INSL6: variants seen among roughly 807,000 people sequenced by gnomAD.
The protein encoded by INSL6 is insulin-like peptide INSL6.
INSL6 carries 16 observed loss-of-function variants against 9.4 expected under a neutral mutation model. The observed-to-expected ratio is 1.70, with a 90% confidence interval of 1.15 to 2.59. The LOEUF (loss-of-function observed/expected upper bound fraction) is 2.59. Among genes scored for constraint, INSL6 ranks in the 30% most tolerant of loss-of-function variants. INSL6 has a pLI of 0.00. For missense variants in INSL6, 391 were observed against 257.3 expected, an observed-to-expected ratio of 1.52 and a Z score of -3.56; for synonymous variants, 154 against 96.9, an observed-to-expected ratio of 1.59 and a Z score of -3.46.
At chr9:5,081,708 A>G in the INSL6 span, 2 of 1,558,336 alleles carry the variant, frequency 1.3e-6, no homozygotes, top group East Asian at 2.2e-5. Flanking sequence ...AGGTGATAAT[A>G]TTCTTTATTT....
At chr9:5,086,907 C>T in the INSL6 span, among the ~76,000 whole-genome samples, 1 of 152,160 alleles carries the variant, frequency 6.6e-6, no homozygotes, top group Admixed American at 6.5e-5. Context: ...ACTACTTTCG[C>T]TGGTATCCAC....
chr9:5,058,628 A>G, the INSL6 span, among the ~76,000 whole-genome samples: 4 of 152,310 alleles, frequency 2.6e-5, no homozygotes, highest in African/African-American at 7.2e-5. Context: ...GGGAGCCACC[A>G]TGCTGTTTTC....
chr9:5,085,855 CAG>C, the INSL6 span: 1 of 772,712 alleles, frequency 1.3e-6, no homozygotes, highest in Admixed American at 1.7e-5. Flanking sequence ...AAGTAGTACT[CAG>C]AGATTTCCTT....
chr9:5,043,559 CAA>C, the INSL6 span, among the ~76,000 whole-genome samples: 5 of 152,092 alleles, frequency 3.3e-5, no homozygotes, highest in Non-Finnish European at 7.4e-5. Context: ...AAAGGGTAAA[CAA>C]AGAGTTACCA....
chr9:5,178,731 T>G (rs1022062015), intron 1 of INSL6, among the ~76,000 whole-genome samples: 1 of 152,162 alleles, frequency 6.6e-6, no homozygotes, highest in Admixed American at 6.5e-5. Context: ...CATACGATCT[T>G]GGACAAACCT....
At chr9:5,087,397 C>A in the INSL6 span, among the ~76,000 whole-genome samples, 1 of 152,146 alleles carries the variant, frequency 6.6e-6, no homozygotes, top group Admixed American at 6.5e-5. Context: ...CCCACCAGGT[C>A]CTTCCAATGA....
the INSL6 span, chr9:5,054,466 A>G: frequency 2.0e-6 from 2 of 1,015,134 alleles, no homozygotes; most frequent in Admixed American, 2.4e-5. The surrounding 1 kb of genome is among the most constrained non-coding windows in gnomAD (Gnocchi z 4.9). Context: ...GGCCTACTTA[A>G]TCATGGAAAA....
At chr9:5,050,194 T>C in the INSL6 span, among the ~76,000 whole-genome samples, 1 of 152,254 alleles carries the variant, frequency 6.6e-6, no homozygotes, top group African/African-American at 2.4e-5. Context: ...TACTCTGTAA[T>C]TGGGAACCCA....
chr9:5,089,630 C>T, the INSL6 span: 4 of 972,594 alleles, frequency 4.1e-6, no homozygotes, highest in Non-Finnish European at 4.2e-6. Flanking sequence ...TGTAATTTGC[C>T]TTGAAAACTT....
At chr9:5,045,264 A>G in the INSL6 span, among the ~76,000 whole-genome samples, 1 of 152,154 alleles carries the variant, frequency 6.6e-6, no homozygotes, top group Non-Finnish European at 1.5e-5. Context: ...CAGATTTGCT[A>G]ATATTGTAGG....
At chr9:5,147,531 T>C (rs1450418631) in intron 2 of INSL6, among the ~76,000 whole-genome samples, 1 of 152,204 alleles carries the variant, frequency 6.6e-6, no homozygotes, top group Non-Finnish European at 1.5e-5. Flanking sequence ...CCTGGAAGAC[T>C]GCCTGGTAAG....
intron 2 of INSL6, among the ~76,000 whole-genome samples, chr9:5,139,685 G>A (rs1476962539): frequency 6.6e-6 from 1 of 152,174 alleles, no homozygotes; most frequent in Non-Finnish European, 1.5e-5. Flanking sequence ...ATCTGAAGAA[G>A]CTAAGTCCAA....
At chr9:5,150,844 G>A (rs1393660527) in intron 2 of INSL6, among the ~76,000 whole-genome samples, 1 of 119,886 alleles carries the variant, frequency 8.3e-6, no homozygotes, top group Admixed American at 8.2e-5. Context: ...CTGGATAAAG[G>A]AGACACACAC....
At chr9:5,152,241 C>T (rs1161005038) in intron 2 of INSL6, among the ~76,000 whole-genome samples, 3 of 152,156 alleles carry the variant, frequency 2.0e-5, no homozygotes, top group Non-Finnish European at 4.4e-5. Flanking sequence ...CTTTACCTAA[C>T]ATCTACAGAA....
the INSL6 span, among the ~76,000 whole-genome samples, chr9:5,052,918 C>T: frequency 2.0e-5 from 3 of 152,150 alleles, no homozygotes; most frequent in South Asian, 6.2e-4. Flanking sequence ...TGGGCTGCTT[C>T]CATGTTTTGG....
At chr9:5,062,501 A>T in the INSL6 span, among the ~76,000 whole-genome samples, 130 of 42,412 alleles carry the variant, frequency 3.1e-3, no homozygotes, top group Non-Finnish European at 6.3e-3. Flanking sequence ...TTCCATTTGT[A>T]AAAAAAAAAA....
intron 1 of INSL6, among the ~76,000 whole-genome samples, chr9:5,172,669 C>G (rs1825210423): frequency 6.6e-6 from 1 of 152,184 alleles, no homozygotes; most frequent in African/African-American, 2.4e-5. Context: ...TGGCTCACGC[C>G]TGTAATCCCA....
intron 1 of INSL6, among the ~76,000 whole-genome samples, chr9:5,169,485 G>C (rs1232329249): frequency 1.3e-5 from 2 of 152,090 alleles, no homozygotes; most frequent in African/African-American, 4.8e-5. Context: ...AAAATAACCA[G>C]CCAGCATCAT....
the INSL6 span, chr9:5,110,590 G>C: frequency 5.5e-6 from 1 of 180,530 alleles, no homozygotes; most frequent in African/African-American, 2.4e-5. Context: ...ATTATTGGTA[G>C]CCTTGCACTT....
Sources: gnomAD v4.1 joint callset for allele counts (sites outside exome capture counted in the v4.1 genomes callset) on GRCh38, gnomAD v4.1.1 for gene constraint, Gnocchi (gnomAD v3.1) non-coding constraint, MANE v1.5 for transcripts, NCBI Gene and HGNC (gene_info 2026-07-23, HGNC 2026-07-21) for gene names.